The following MACF1 variants were observed in gnomAD, a reference collection of about 807,000 sequenced individuals.
The protein encoded by MACF1 is microtubule actin crosslinking factor 1.
Under a neutral mutation model 854.8 loss-of-function variants are expected in MACF1, and 193 were observed. That is an observed-to-expected ratio of 0.23 (90% confidence interval 0.20 to 0.25). The LOEUF is 0.25. MACF1 is among the 10% of genes least tolerant of loss of function. The pLI is 1.00. For missense variants in MACF1, 7,722 were observed against 8,929.1 expected (o/e 0.86, Z 5.45); for synonymous variants, 3,185 against 3,226.7 (o/e 0.99, Z 0.44).
chr1:39,103,667 G>A (rs916363657), intron 2 of MACF1: 1 of 152,330 alleles, frequency 6.6e-6, no homozygotes. Flanking sequence ...ACACCAAACT[G>A]AGAACTAGTT....
intron 49 of MACF1, among the ~76,000 whole-genome samples, chr1:39,367,269 C>T (rs976745200): frequency 2.0e-5 from 3 of 151,910 alleles, no homozygotes; most frequent in Non-Finnish European, 2.9e-5. Flanking sequence ...TTTCATGTGA[C>T]CTACAAATAC....
At chr1:39,438,181 A>G (rs1303491167) in intron 71 of MACF1, among the ~76,000 whole-genome samples, 173 bp downstream of exon 71, 1 of 152,246 alleles carries the variant, frequency 6.6e-6, no homozygotes, top group Non-Finnish European at 1.5e-5. Context: ...ACATTTCGCC[A>G]TTGAAACAAG....
chr1:39,353,885 A>G (rs573760415), intron 44 of MACF1, among the ~76,000 whole-genome samples: 1 of 152,202 alleles, frequency 6.6e-6, no homozygotes, highest in African/African-American at 2.4e-5. Context: ...TTGAGATATT[A>G]TTGTAGTTTA....
At chr1:39,156,145 G>C (rs1282043612) in intron 2 of MACF1, among the ~76,000 whole-genome samples, 1 of 152,194 alleles carries the variant, frequency 6.6e-6, no homozygotes. Context: ...AAAGTGCTGG[G>C]ATTACAGGCG....
chr1:39,277,308 A>G (rs1321330855), intron 6 of MACF1, among the ~76,000 whole-genome samples: 2 of 152,218 alleles, frequency 1.3e-5, no homozygotes, highest in African/African-American at 4.8e-5. Context: ...CACTAAAAAG[A>G]TAGCTTTATT....
intron 2 of MACF1, among the ~76,000 whole-genome samples, chr1:39,185,549 G>A (rs1435794592): frequency 6.6e-6 from 1 of 151,844 alleles, no homozygotes; most frequent in Non-Finnish European, 1.5e-5. Context: ...TATATCAGAA[G>A]CAAGAAGGAA....
intron 2 of MACF1, among the ~76,000 whole-genome samples, chr1:39,115,800 T>C (rs893959862): frequency 6.6e-6 from 1 of 151,988 alleles, no homozygotes; most frequent in Non-Finnish European, 1.5e-5. Flanking sequence ...CTGAAGGAAA[T>C]TGTCCACAGA....
rs1648133901 is a variant in MACF1, at chr1:39,360,920, G to A, written c.12372G>A (p.Gly4124=). 17 of 1,613,876 alleles carry A rather than the reference G, an allele frequency of 1.1e-5. No homozygotes were observed. Among genetic ancestry groups the A allele is most frequent in the Non-Finnish European group, 1.4e-5 (17 of 1,180,006 alleles). Reference sequence around the variant, plus strand: ...TGGAGAGCCTGTTGCAGTCTATTGGGGAAGTTGAACAAAACCTGGAAGGGA... The same window carrying A: ...TGGAGAGCCTGTTGCAGTCTATTGGAGAAGTTGAACAAAACCTGGAAGGGA... ...ESLESLLQSI[G]EVEQNLEGKQ... is the part of the protein sequence containing the mutation. The change falls in exon 48 of 101, where the codon GGG becomes GGA. Residue 4124 remains glycine, a synonymous_variant. Coordinates refer to ENST00000564288, the MANE Select transcript of MACF1 (RefSeq NM_001394062.1).
chr1:39,335,751 G>C lies in MACF1; in HGVS notation c.9163G>C (p.Val3055Leu). ...CCAAGTGGTACCTCAAGGAATTTCT[G>C]TAAAACATTTAGATGCTTTAACACT... ...SSQVVPQGIS[V>L]KHLDALTLFS... The change falls in exon 37 of 101, where the codon GTA becomes CTA. Residue 3055 changes from valine to leucine, a missense_variant. By Grantham distance (32) the Val-to-Leu change is conservative. Transcript: ENST00000564288. The C allele has an allele frequency of 6.2e-7, 1 of 1,613,984 alleles. No homozygotes were observed. The highest frequency in any genetic ancestry group is 1.3e-5 in the African/African-American group (1 of 75,018).
chr1:39,222,682 A>G (rs1026913063), intron 1 of MACF1, among the ~76,000 whole-genome samples: 4 of 152,136 alleles, frequency 2.6e-5, no homozygotes, highest in African/African-American at 9.7e-5. Context: ...TTAATTATTT[A>G]CATGTTGTTC....
At chr1:39,405,451 T>C (rs984939115) in intron 58 of MACF1, among the ~76,000 whole-genome samples, 31 of 152,340 alleles carry the variant, frequency 2.0e-4, no homozygotes, top group African/African-American at 6.7e-4. Flanking sequence ...TAAGGCATCA[T>C]AGAATCTAGG....
intron 2 of MACF1, among the ~76,000 whole-genome samples, chr1:39,238,894 GA>G (rs915082351): frequency 1.1e-4 from 16 of 152,148 alleles, no homozygotes; most frequent in African/African-American, 3.9e-4. Flanking sequence ...TAGGGATTGA[GA>G]TTTTTTTTTG....
intron 31 of MACF1, 96 bp downstream of exon 31, chr1:39,319,843 G>A (rs1369025814): frequency 1.2e-6 from 1 of 838,888 alleles, no homozygotes; most frequent in Non-Finnish European, 1.9e-6. Flanking sequence ...AAATTAAGCA[G>A]AGTTCTTATG....
intron 2 of MACF1, among the ~76,000 whole-genome samples, chr1:39,147,871 C>T (rs1038625421): frequency 3.3e-5 from 5 of 152,144 alleles, no homozygotes; most frequent in Admixed American, 6.6e-5. Context: ...TATTTTAGAC[C>T]CTCGTCTTCT....
chr1:39,212,897 A>G (rs1175240609), intron 1 of MACF1, among the ~76,000 whole-genome samples: 4 of 152,244 alleles, frequency 2.6e-5, no homozygotes, highest in African/African-American at 9.6e-5. Flanking sequence ...AAGTGCTGGC[A>G]TTATAGGCGT....
At chr1:39,308,882 C>G (rs546953856) in intron 23 of MACF1, among the ~76,000 whole-genome samples, 1 of 152,010 alleles carries the variant, frequency 6.6e-6, no homozygotes, top group Admixed American at 6.5e-5. Context: ...TCTTGAACTC[C>G]CGACCTCAGG....
chr1:39,173,211 A>C (rs1643976213), intron 2 of MACF1, among the ~76,000 whole-genome samples: 1 of 151,978 alleles, frequency 6.6e-6, no homozygotes, highest in Non-Finnish European at 1.5e-5. Context: ...GTGGTGGCGC[A>C]TGCCTGTAGT....
chr1:39,471,668 G>GA (rs1320595311), intron 97 of MACF1, among the ~76,000 whole-genome samples: 1 of 152,074 alleles, frequency 6.6e-6, no homozygotes, highest in African/African-American at 2.4e-5. Context: ...TGGATAGAGA[G>GA]AAAAAAAGTG....
In MACF1 at chr1:39,448,022, T is replaced by C. The variant is rs957708636; in HGVS notation, c.19969-11T>C. 8.1e-6 allele frequency: 13 copies of C among 1,613,874 alleles called. No homozygotes were observed. Among genetic ancestry groups the C allele is most frequent in the Admixed American group, 1.7e-5 (1 of 59,966 alleles). ...TTCATTCCTGTTAACTTATTTCTTA[T>C]GTAATTTTAGTTCCATGAAGCTTGG... On this transcript the variant is annotated splice_polypyrimidine_tract_variant and intron_variant, in intron 82 of 100. Transcript: ENST00000564288.
Sources: gnomAD v4.1 joint callset for allele counts (sites outside exome capture counted in the v4.1 genomes callset) on GRCh38, gnomAD v4.1.1 for gene constraint, MANE v1.5 for transcripts, NCBI Gene and HGNC (gene_info 2026-07-23, HGNC 2026-07-21) for gene names.